Variants in SERTM1 observed in about 807,000 individuals in gnomAD.
SERTM1 encodes the protein serine-rich and transmembrane domain-containing protein 1.
SERTM1 carries 1 observed loss-of-function variant against 5.5 expected under a neutral mutation model. The ratio of observed to expected loss-of-function variants is 0.18; its 90% CI spans 0.06 to 0.86. The LOEUF (loss-of-function observed/expected upper bound fraction) is 0.86, where lower values mean the gene tolerates loss of function less well. SERTM1 is among the 40% of genes least tolerant of loss of function. The probability of loss-of-function intolerance (pLI) is 0.69; values close to 1 mark genes in which losing one functional copy is unlikely to be tolerated. For missense variants in SERTM1, 91 were observed against 122.4 expected (o/e 0.74, Z 1.21); for synonymous variants, 52 against 55.1 (o/e 0.94, Z 0.25).
At position 36,696,575 on chromosome 13, in the gene SERTM1, G is replaced by A. The variant is rs1162442696; in HGVS notation, c.*1173G>A. 3.0e-5 allele frequency: 5 copies of A among 166,972 alleles called. 1 individual carries two copies. Among genetic ancestry groups the A allele is most frequent in the South Asian group, 4.1e-4 (2 of 4,832 alleles). The allele number at this position is 166,972 out of a possible 1,614,324, so 10.3% of individuals were successfully genotyped here. A position where few individuals can be genotyped will look rare whatever the true frequency, so the allele number is the denominator to read the frequency against. Reference sequence around the variant, plus strand: ...AGCTTTAGGGATCCTAGGAGCTGCCGTGCTGCAGGCAGCAGAGTATGTCTG... The same window carrying A: ...AGCTTTAGGGATCCTAGGAGCTGCCATGCTGCAGGCAGCAGAGTATGTCTG... On this transcript the variant is annotated 3_prime_UTR_variant, in exon 2 of 2. Transcript: ENST00000315190.
chr13:36,679,510 C>G (rs531278988), intron 1 of SERTM1, among the ~76,000 whole-genome samples: 8 of 152,258 alleles, frequency 5.3e-5, no homozygotes, highest in African/African-American at 1.9e-4. Context: ...CACGTTCAAG[C>G]GATTCTCCTG....
chr13:36,690,196 A>G (rs545029953), intron 1 of SERTM1, among the ~76,000 whole-genome samples: 3 of 152,266 alleles, frequency 2.0e-5, no homozygotes, highest in African/African-American at 4.8e-5. Context: ...CTCTAATTCA[A>G]TGTTCTCAAT....
intron 1 of SERTM1, among the ~76,000 whole-genome samples, chr13:36,688,729 T>C (rs919575825): frequency 6.6e-6 from 1 of 152,186 alleles, no homozygotes; most frequent in Non-Finnish European, 1.5e-5. Context: ...GAAAAGCCAA[T>C]CTTTTTTTTA....
At position 36,675,128 on chromosome 13, in the gene SERTM1, AG is replaced by A. The variant is rs778059874; in HGVS notation, c.-174+945del. ...CTCCATCGGACTTGGGTTTGATCTC[AG>A]ACTCTAGAGATGGGGTCTGTTTGTT... On this transcript the variant is annotated intron_variant, in intron 1 of 1. Transcript: ENST00000315190. Among the ~76,000 whole-genome samples the A allele has an allele frequency of 6.5e-4, 99 of 152,274 alleles. 3 individuals carry two copies. Among genetic ancestry groups the A allele is most frequent in the Non-Finnish European group, 3.4e-4 (23 of 68,018 alleles).
At chr13:36,691,993 T>G (rs1054672633) in intron 1 of SERTM1, among the ~76,000 whole-genome samples, 2 of 152,236 alleles carry the variant, frequency 1.3e-5, no homozygotes, top group Non-Finnish European at 2.9e-5. Context: ...ATTAAAATTC[T>G]TTCTAGCAGT....
chr13:36,678,696 A>ATATATATATATATATATATATATATATAT (rs1566226327), intron 1 of SERTM1, among the ~76,000 whole-genome samples: 11 of 118,616 alleles, frequency 9.3e-5, no homozygotes, highest in African/African-American at 3.4e-4. Flanking sequence ...TATATATATA[A>ATATATATATATATATATATATATATATAT]AATATAGTCC....
intron 1 of SERTM1, among the ~76,000 whole-genome samples, chr13:36,691,631 A>G (rs1251053490): frequency 2.0e-5 from 3 of 152,122 alleles, no homozygotes; most frequent in African/African-American, 7.2e-5. Flanking sequence ...TTCTGAGCGG[A>G]AAAAAAGCAT....
intron 1 of SERTM1, 89 bp downstream of exon 1, chr13:36,674,273 C>CG (rs1055593296): frequency 1.3e-5 from 2 of 150,440 alleles, no homozygotes; most frequent in African/African-American, 4.9e-5. Context: ...GGGGCGGCCT[C>CG]GGGTCCTGGA....
In SERTM1 at chr13:36,678,639, G is replaced by A. The variant is rs2056683944; in HGVS notation, c.-174+4455G>A. 2.8e-5 allele frequency among the ~76,000 whole-genome samples: 4 copies of A among 140,926 alleles called. No homozygotes were observed. In the South Asian group the frequency reaches 6.9e-4, roughly 24 times the overall value. 92.5% of individuals were successfully genotyped at this position (140,926 alleles called of 152,430 possible). On this transcript the variant is annotated intron_variant, in intron 1 of 1. Coordinates refer to ENST00000315190, the MANE Select transcript of SERTM1 (RefSeq NM_203451.3). ...GTTTACTTATGTAACAAACCTACAC[G>A]TCCTGCACATGTATCCTGGAACTTA... is the stretch of plus-strand genomic sequence containing the variant.
intron 1 of SERTM1, among the ~76,000 whole-genome samples, chr13:36,681,431 T>TA (rs1193522503): frequency 2.6e-5 from 4 of 152,216 alleles, no homozygotes; most frequent in Admixed American, 2.6e-4. Context: ...GAACATTTGA[T>TA]AAAAATGTAA....
chr13:36,678,996 T>C (rs1020856449), intron 1 of SERTM1, among the ~76,000 whole-genome samples: 2 of 152,152 alleles, frequency 1.3e-5, no homozygotes, highest in African/African-American at 4.8e-5. Context: ...TTCTTCCCTA[T>C]GCCTGGCACA....
chr13:36,696,302 C>T lies in SERTM1; in HGVS notation c.*900C>T, dbSNP rs375390240. 5 of 166,594 alleles carry T rather than the reference C, an allele frequency of 3.0e-5. No individual in the cohort carries two copies. The highest frequency in any genetic ancestry group is 2.0e-4 in the Admixed American group (3 of 15,268). The allele number at this position is 166,594 out of a possible 1,614,324, so 10.3% of individuals were successfully genotyped here. On this transcript the variant is annotated 3_prime_UTR_variant, in exon 2 of 2. Coordinates refer to ENST00000315190, the MANE Select transcript of SERTM1 (RefSeq NM_203451.3). The stretch of plus-strand genomic sequence containing the variant: ...TAGCTGTCGTGTAAGTTCCTTTATT[C>T]GGTTTCATAGTCTTTATAATTTTAG...
At chr13:36,674,905 G>T (rs9531977) in intron 1 of SERTM1, among the ~76,000 whole-genome samples, 67,325 of 151,850 alleles carry the variant, frequency 0.44, 15,859 homozygotes, top group Middle Eastern at 0.57. Flanking sequence ...CCTCTTCCCG[G>T]GTCTGATGAG....
At chr13:36,675,452 G>A (rs934149904) in intron 1 of SERTM1, among the ~76,000 whole-genome samples, 14 of 152,206 alleles carry the variant, frequency 9.2e-5, no homozygotes, top group Non-Finnish European at 1.6e-4. Flanking sequence ...AGAGGCACAA[G>A]TGACAGTCTT....
intron 1 of SERTM1, among the ~76,000 whole-genome samples, chr13:36,693,717 A>G (rs897004455): frequency 6.6e-6 from 1 of 152,242 alleles, no homozygotes; most frequent in Non-Finnish European, 1.5e-5. Context: ...TTCTCCAGGT[A>G]AAATGAAGGG....
In SERTM1 at chr13:36,695,415, A is replaced by G; in HGVS notation, c.*13A>G. ...CCTTTCATCCTGAGGAAAATGGAAG[A>G]GTCCTTGAGTGTGGCAGCAGTTTTG... On this transcript the variant is annotated 3_prime_UTR_variant, in exon 2 of 2. Coordinates refer to ENST00000315190, the MANE Select transcript of SERTM1 (RefSeq NM_203451.3). 6.3e-7 allele frequency: 1 copy of G among 1,598,574 alleles called. No homozygotes were observed.
intron 1 of SERTM1, among the ~76,000 whole-genome samples, chr13:36,675,679 A>G (rs1416028453): frequency 6.6e-6 from 1 of 152,128 alleles, no homozygotes; most frequent in Non-Finnish European, 1.5e-5. Flanking sequence ...CCACACTCAG[A>G]ACACCGTTTT....
intron 1 of SERTM1, among the ~76,000 whole-genome samples, chr13:36,693,438 C>T (rs2056792721): frequency 1.3e-5 from 2 of 151,138 alleles, no homozygotes; most frequent in Non-Finnish European, 2.9e-5. Context: ...CCTATAGCAG[C>T]CTAATGGAAT....
chr13:36,683,707 C>T (rs1468783640), intron 1 of SERTM1, among the ~76,000 whole-genome samples: 1 of 152,152 alleles, frequency 6.6e-6, no homozygotes, highest in African/African-American at 2.4e-5. Context: ...CTTACATTTT[C>T]TATCCAGAAG....
Sources: allele counts gnomAD v4.1 joint callset (sites outside exome capture counted in the v4.1 genomes callset), GRCh38; gene constraint gnomAD v4.1.1; transcripts MANE v1.5; gene names NCBI Gene and HGNC (gene_info 2026-07-23, HGNC 2026-07-21).